The following PTPRA variants were observed in gnomAD, a reference collection of about 807,000 sequenced individuals.
PTPRA encodes receptor-type tyrosine-protein phosphatase alpha.
In PTPRA, 25 loss-of-function variants were observed where a neutral mutation model predicts 104.8. The ratio of observed to expected loss-of-function variants is 0.24; its 90% CI spans 0.17 to 0.33. The LOEUF is 0.33. Among genes scored for constraint, PTPRA ranks in the 10% least tolerant of loss-of-function variants. PTPRA has a pLI of 1.00. For missense variants in PTPRA, 765 were observed against 1,015.3 expected (o/e 0.75, Z 3.35); for synonymous variants, 323 against 368.9 (o/e 0.88, Z 1.43).
At chr20:3,003,290 G>A (rs928614878) in intron 9 of PTPRA, among the ~76,000 whole-genome samples, 3 of 152,158 alleles carry the variant, frequency 2.0e-5, no homozygotes, top group African/African-American at 7.2e-5. Context: ...TTGAAAGAAT[G>A]AATGAAAAGT....
At chr20:2,994,526 G>A (rs989668733) in intron 9 of PTPRA, among the ~76,000 whole-genome samples, 13 of 152,152 alleles carry the variant, frequency 8.5e-5, no homozygotes, top group South Asian at 2.1e-4. Flanking sequence ...GGACAGCCAG[G>A]AAAGCACTTC....
intron 1 of PTPRA, among the ~76,000 whole-genome samples, chr20:2,921,402 A>G (rs1478105464): frequency 6.7e-6 from 1 of 148,666 alleles, no homozygotes; most frequent in African/African-American, 2.5e-5. Flanking sequence ...TATACAGAGT[A>G]TACCAATTTA....
intron 2 of PTPRA, among the ~76,000 whole-genome samples, chr20:2,937,493 T>G (rs1369553635): frequency 1.3e-5 from 2 of 152,186 alleles, no homozygotes; most frequent in African/African-American, 4.8e-5. Flanking sequence ...CTTCAGGGAC[T>G]GCTATAATTT....
intron 1 of PTPRA, among the ~76,000 whole-genome samples, chr20:2,921,613 G>A (rs771207531): frequency 8.6e-5 from 13 of 151,846 alleles, no homozygotes; most frequent in Admixed American, 1.3e-4. Flanking sequence ...ATGTGAATGC[G>A]CACTCCATTC....
chr20:2,960,153 C>T (rs1355962498), intron 3 of PTPRA, among the ~76,000 whole-genome samples: 1 of 152,084 alleles, frequency 6.6e-6, no homozygotes, highest in Non-Finnish European at 1.5e-5. Context: ...CATGTGTCTA[C>T]CATTGTAGTA....
At chr20:2,929,302 T>C (rs960171002) in intron 2 of PTPRA, among the ~76,000 whole-genome samples, 4 of 152,168 alleles carry the variant, frequency 2.6e-5, no homozygotes, top group Non-Finnish European at 5.9e-5. Context: ...CCCGCTTTCT[T>C]TTCCTGTATG....
Position 3,022,314 on chromosome 20 carries a change from G to A in PTPRA, c.1328+94G>A. The A allele has an allele frequency of 6.8e-7, 1 of 1,471,856 alleles. No individual in the cohort carries two copies. The highest frequency in any genetic ancestry group is 9.3e-7 in the Non-Finnish European group (1 of 1,078,216). The allele number at this position is 1,471,856 out of a possible 1,614,324, so 91.2% of individuals were successfully genotyped here. On this transcript the variant is annotated intron_variant, in intron 15 of 23. Transcript: ENST00000399903. This position sits in a 1 kb window ranked among gnomAD's most constrained non-coding sequence, Gnocchi z 4.6. ...CACAAGGGCCCTGGCTGAGGAGGCT[G>A]GCACAGAGTAGATGACCTACTGGGG...
intron 5 of PTPRA, among the ~76,000 whole-genome samples, chr20:2,973,645 C>T (rs987906740): frequency 1.7e-4 from 26 of 152,196 alleles, no homozygotes; most frequent in South Asian, 4.2e-4. Context: ...CCAACCACTG[C>T]GAAGGACAAA....
chr20:2,973,268 CCTT>C (rs762464876), intron 5 of PTPRA, among the ~76,000 whole-genome samples: 2 of 151,820 alleles, frequency 1.3e-5, no homozygotes, highest in Non-Finnish European at 2.9e-5. Context: ...TTACTTTCTA[CCTT>C]CTTTAGATTT....
chr20:2,902,136 C>T (rs947484791), intron 1 of PTPRA, among the ~76,000 whole-genome samples: 3 of 152,096 alleles, frequency 2.0e-5, no homozygotes, highest in Non-Finnish European at 4.4e-5. Flanking sequence ...GCACTTCCCT[C>T]GGCCTCCCAA....
rs10544314 is a variant in PTPRA at position 3,033,900 on chromosome 20, CAAAA to C, written c.1921-1668_1921-1665del. The stretch of plus-strand genomic sequence containing the variant: ...GGGCAATAAGAGTGAAGCTCCATCT[CAAAA>C]AAAAAAAAAAAAAAAATCCTCTTTG... On this transcript the variant is annotated intron_variant, in intron 20 of 23. Transcript: ENST00000399903. 1.6e-3 allele frequency among the ~76,000 whole-genome samples: 177 copies of C among 107,686 alleles called. 1 individual carries two copies. The highest frequency in any genetic ancestry group is 4.0e-3 in the African/African-American group (117 of 28,976). The allele number at this position is 107,686 out of a possible 152,430, so 70.6% of individuals were successfully genotyped here.
At position 2,873,755 on chromosome 20, in the gene PTPRA, G is replaced by A. The variant is rs974140123; in HGVS notation, c.-134G>A. 6.6e-6 allele frequency: 1 copy of A among 151,942 alleles called. No individual in the cohort carries two copies. Among genetic ancestry groups the A allele is most frequent in the Non-Finnish European group, 1.5e-5 (1 of 67,954 alleles). The allele number at this position is 151,942 out of a possible 1,614,324, so 9.4% of individuals were successfully genotyped here. On this transcript the variant is annotated 5_prime_UTR_variant, in exon 1 of 24. Transcript: ENST00000399903. This position sits in a 1 kb window ranked among gnomAD's most constrained non-coding sequence, Gnocchi z 4.4. ...TCCCCAGCGGTCCCGCCCAACGCCC[G>A]ACTCTGTGAGTGTTCGCGGCCGCTG...
In PTPRA at chr20:3,012,345, C is replaced by T. The variant is rs534638908; in HGVS notation, c.907-3504C>T. Among the ~76,000 whole-genome samples the T allele has an allele frequency of 2.0e-5, 3 of 152,144 alleles. No individual in the cohort carries two copies. The South Asian group carries it at 6.2e-4, about 32-fold the overall frequency. On this transcript the variant is annotated intron_variant, in intron 11 of 23. Coordinates refer to ENST00000399903, the MANE Select transcript of PTPRA (RefSeq NM_001385305.1). ...ATGATGAGGGTTGACAAGGAAGCGG[C>T]GACAAAGTGAAAACTACGTGGAGGT...
intron 13 of PTPRA, among the ~76,000 whole-genome samples, chr20:3,018,213 G>GTTGTT (rs370671143): frequency 0.012 from 1,756 of 152,132 alleles, 34 homozygotes; most frequent in South Asian, 0.029. Flanking sequence ...TTTTTTTGTT[G>GTTGTT]TTGTTTTGTT....
At chr20:2,904,714 T>A (rs1010520679) in intron 1 of PTPRA, among the ~76,000 whole-genome samples, 3 of 145,972 alleles carry the variant, frequency 2.1e-5, no homozygotes, top group African/African-American at 7.6e-5. Context: ...AGAAAAATAG[T>A]CCAGAAACAG....
intron 2 of PTPRA, 72 bp from the exon 3 acceptor site, chr20:2,947,910 A>G (rs1016984975): frequency 1.3e-5 from 8 of 630,794 alleles, no homozygotes; most frequent in African/African-American, 9.7e-5. Flanking sequence ...ATTTCTGTCA[A>G]TAGGAGGTTG....
At chr20:2,974,100 A>G (rs1311538165) in intron 5 of PTPRA, among the ~76,000 whole-genome samples, 1 of 150,998 alleles carries the variant, frequency 6.6e-6, no homozygotes, top group African/African-American at 2.4e-5. Flanking sequence ...ACAGGCGTAC[A>G]CCACCACGCC....
At position 3,022,680 on chromosome 20, in the gene PTPRA, T is replaced by C; in HGVS notation, c.1329-9T>C. On this transcript the variant is annotated splice_polypyrimidine_tract_variant and intron_variant, in intron 15 of 23. Coordinates refer to ENST00000399903, the MANE Select transcript of PTPRA (RefSeq NM_001385305.1). This position sits in a 1 kb window ranked among gnomAD's most constrained non-coding sequence, Gnocchi z 4.6. ...GCCATCCCTATAACCCCCTGCTCTC[T>C]GGCTACAGTGCAGGTGTAGGGCGTA... is the stretch of plus-strand genomic sequence containing the variant. 1 of 1,614,132 alleles carries C rather than the reference T, an allele frequency of 6.2e-7. No homozygotes were observed. Among genetic ancestry groups the C allele is most frequent in the Non-Finnish European group, 8.5e-7 (1 of 1,179,994 alleles).
chr20:2,926,939 C>T (rs1454253946), intron 2 of PTPRA, among the ~76,000 whole-genome samples: 5 of 151,492 alleles, frequency 3.3e-5, no homozygotes, highest in Admixed American at 2.0e-4. Context: ...TACAGGCACC[C>T]GCCACCACGC....
Sources: gnomAD v4.1 joint callset for allele counts (sites outside exome capture counted in the v4.1 genomes callset) on GRCh38, gnomAD v4.1.1 for gene constraint, Gnocchi (gnomAD v3.1) non-coding constraint, MANE v1.5 for transcripts, NCBI Gene and HGNC (gene_info 2026-07-23, HGNC 2026-07-21) for gene names.